RSRC1: variants seen among roughly 807,000 people sequenced by gnomAD.
The protein encoded by RSRC1 is arginine and serine rich coiled-coil 1, also known as serine/Arginine-related protein 53.
Under a neutral mutation model 49.1 loss-of-function variants are expected in RSRC1, and 39 were observed. The ratio of observed to expected loss-of-function variants is 0.79; its 90% CI spans 0.61 to 1.04. RSRC1 has a LOEUF of 1.04. Among genes scored for constraint, RSRC1 ranks in the 50% least tolerant of loss-of-function variants. RSRC1 has a pLI of 0.00. For missense variants in RSRC1, 388 were observed against 402.4 expected, an observed-to-expected ratio of 0.96 and a Z score of 0.31; for synonymous variants, 143 against 130.8, an observed-to-expected ratio of 1.09 and a Z score of -0.63.
intron 3 of RSRC1, among the ~76,000 whole-genome samples, chr3:158,126,547 C>G (rs1356214106): frequency 6.6e-6 from 1 of 152,040 alleles, no homozygotes; most frequent in Non-Finnish European, 1.5e-5. Flanking sequence ...ATTAATATAG[C>G]TTATAGTTAG....
intron 5 of RSRC1, among the ~76,000 whole-genome samples, chr3:158,348,314 A>G (rs1730679551): frequency 6.6e-6 from 1 of 152,180 alleles, no homozygotes; most frequent in Non-Finnish European, 1.5e-5. Flanking sequence ...TTAGTATGTA[A>G]ACTAGTTTAT....
intron 7 of RSRC1, among the ~76,000 whole-genome samples, chr3:158,470,704 C>T (rs1738099539): frequency 6.6e-6 from 1 of 152,038 alleles, no homozygotes; most frequent in African/African-American, 2.4e-5. Flanking sequence ...ATAGAGAAAG[C>T]TGAATTTATG....
At position 158,544,360 on chromosome 3, in the gene RSRC1, T is replaced by A; in HGVS notation, c.*85T>A. The A allele has an allele frequency of 1.2e-6, 1 of 820,010 alleles. No homozygotes were observed. The highest frequency in any genetic ancestry group is 1.9e-6 in the Non-Finnish European group (1 of 517,838). 50.8% of individuals were successfully genotyped at this position (820,010 alleles called of 1,614,324 possible). A position where few individuals can be genotyped will look rare whatever the true frequency, so the allele number is the denominator to read the frequency against. On this transcript the variant is annotated 3_prime_UTR_variant, in exon 10 of 10. Transcript: ENST00000611884. ...AATCCCAATATTAACTTTTTACTCTTAAAAAGAATTTTGCTGATTATATAT... is the reference window on the plus strand; with the variant it reads ...AATCCCAATATTAACTTTTTACTCTAAAAAAGAATTTTGCTGATTATATAT...
chr3:158,260,463 A>G (rs1026831681), intron 4 of RSRC1, among the ~76,000 whole-genome samples: 3 of 151,984 alleles, frequency 2.0e-5, no homozygotes, highest in African/African-American at 7.2e-5. Context: ...TTACTTTCCC[A>G]TCTCCTCTCC....
chr3:158,226,989 A>G (rs2108303959), intron 4 of RSRC1, among the ~76,000 whole-genome samples: 1 of 151,942 alleles, frequency 6.6e-6, no homozygotes, highest in East Asian at 1.9e-4. Context: ...AATTAAGTTA[A>G]ATGTAAATTA....
At chr3:158,243,523 A>G (rs964029804) in intron 4 of RSRC1, among the ~76,000 whole-genome samples, 5 of 152,114 alleles carry the variant, frequency 3.3e-5, no homozygotes, top group Admixed American at 2.0e-4. Flanking sequence ...TGCCTTGGCT[A>G]TTGCAGCTTT....
intron 4 of RSRC1, among the ~76,000 whole-genome samples, chr3:158,231,867 T>C (rs1377069249): frequency 1.3e-5 from 2 of 152,188 alleles, no homozygotes; most frequent in East Asian, 1.9e-4. Context: ...ACCGTACTTT[T>C]AATACAGAAT....
chr3:158,286,169 C>A (rs1726543446), intron 4 of RSRC1, among the ~76,000 whole-genome samples: 1 of 152,120 alleles, frequency 6.6e-6, no homozygotes, highest in Non-Finnish European at 1.5e-5. Flanking sequence ...CTGCCTCCTC[C>A]CTAATCATGT....
intron 4 of RSRC1, among the ~76,000 whole-genome samples, chr3:158,287,314 TG>T (rs1329182535): frequency 2.0e-5 from 3 of 152,192 alleles, no homozygotes; most frequent in Admixed American, 6.5e-5. Flanking sequence ...ATAATTGTAA[TG>T]TGAATTTAAT....
At chr3:158,206,363 A>G (rs1197767857) in intron 4 of RSRC1, among the ~76,000 whole-genome samples, 2 of 152,164 alleles carry the variant, frequency 1.3e-5, no homozygotes, top group Non-Finnish European at 2.9e-5. Context: ...GGGAGGAATG[A>G]TCATGCAAAA....
intron 4 of RSRC1, among the ~76,000 whole-genome samples, chr3:158,230,567 A>G (rs1417943075): frequency 6.6e-6 from 1 of 152,094 alleles, no homozygotes. Flanking sequence ...AAAACATATC[A>G]TTCTGCTACA....
chr3:158,326,821 T>C (rs930443241), intron 5 of RSRC1, among the ~76,000 whole-genome samples: 1 of 152,234 alleles, frequency 6.6e-6, no homozygotes, highest in African/African-American at 2.4e-5. Context: ...CTCCTCCTTG[T>C]ACCTCTGGTA....
At chr3:158,509,582 A>C (rs1460075321) in intron 7 of RSRC1, among the ~76,000 whole-genome samples, 1 of 152,130 alleles carries the variant, frequency 6.6e-6, no homozygotes, top group Non-Finnish European at 1.5e-5. Context: ...CCAGAGGTTC[A>C]AGGCCAGCCT....
At chr3:158,416,678 C>T (rs1326233855) in intron 6 of RSRC1, among the ~76,000 whole-genome samples, 5 of 152,046 alleles carry the variant, frequency 3.3e-5, no homozygotes, top group Non-Finnish European at 7.4e-5. Context: ...CTGGCCAGCC[C>T]CTGTCCAAAT....
rs184921785 is a variant in RSRC1 at position 158,163,151 on chromosome 3, C to T, written c.320+39160C>T. 5.5e-3 allele frequency among the ~76,000 whole-genome samples: 838 copies of T among 152,092 alleles called. 8 individuals carry two copies. Among genetic ancestry groups the T allele is most frequent in the African/African-American group, 0.019 (802 of 41,498 alleles). On this transcript the variant is annotated intron_variant, in intron 3 of 9. Transcript: ENST00000611884. The stretch of plus-strand genomic sequence containing the variant: ...CCCTAGTAGCTGGGATTACAGGCAC[C>T]GCCAGCATAGCTGGCTAATTTTTAT...
intron 6 of RSRC1, among the ~76,000 whole-genome samples, chr3:158,370,219 T>A (rs1731991528): frequency 6.6e-6 from 1 of 151,904 alleles, no homozygotes; most frequent in African/African-American, 2.4e-5. Context: ...TATTTTCTGA[T>A]TTTTCTGTGG....
intron 6 of RSRC1, among the ~76,000 whole-genome samples, chr3:158,439,286 C>T (rs1388106650): frequency 6.6e-6 from 1 of 152,044 alleles, no homozygotes; most frequent in Non-Finnish European, 1.5e-5. Flanking sequence ...ACTAGAAATA[C>T]CATTTGACCC....
intron 4 of RSRC1, among the ~76,000 whole-genome samples, chr3:158,220,507 C>A (rs1242851865): frequency 1.3e-5 from 2 of 151,512 alleles, no homozygotes; most frequent in African/African-American, 4.8e-5. Flanking sequence ...GTAATTCTTT[C>A]GGGTGCTATT....
intron 6 of RSRC1, among the ~76,000 whole-genome samples, chr3:158,407,115 CAG>C (rs1734195053): frequency 6.6e-6 from 1 of 152,158 alleles, no homozygotes; most frequent in Non-Finnish European, 1.5e-5. Context: ...ATTTTTATCA[CAG>C]ACTCAAAACT....
Sources: allele counts gnomAD v4.1 joint callset (sites outside exome capture counted in the v4.1 genomes callset), GRCh38; gene constraint gnomAD v4.1.1; transcripts MANE v1.5; gene names NCBI Gene and HGNC (gene_info 2026-07-23, HGNC 2026-07-21).